WWOX: variants seen among roughly 807,000 people sequenced by gnomAD.
WWOX encodes WW domain containing oxidoreductase, also known as WW domain-containing oxidoreductase.
Under a neutral mutation model 46.2 loss-of-function variants are expected in WWOX, and 69 were observed. That is an observed-to-expected ratio of 1.49 (90% confidence interval 1.23 to 1.82). WWOX has a LOEUF of 1.82. Among genes scored for constraint, WWOX ranks in the 40% most tolerant of loss-of-function variants. The pLI is 0.00. For missense variants in WWOX, 919 were observed against 542.6 expected (o/e 1.69, Z -6.89); for synonymous variants, 359 against 202.6 (o/e 1.77, Z -6.56).
chr16:78,718,251 C>T (rs2048614542), intron 8 of WWOX, among the ~76,000 whole-genome samples: 1 of 150,834 alleles, frequency 6.6e-6, no homozygotes, highest in South Asian at 2.1e-4. Flanking sequence ...GCTGTTGTAC[C>T]ACAGAGACCA....
intron 8 of WWOX, among the ~76,000 whole-genome samples, chr16:79,070,967 C>T (rs1056910478): frequency 6.6e-6 from 1 of 152,162 alleles, no homozygotes; most frequent in African/African-American, 2.4e-5. Context: ...TACTATGTCC[C>T]TCCCTACCCC....
At chr16:78,625,177 G>C (rs543956653) in intron 8 of WWOX, among the ~76,000 whole-genome samples, 3 of 152,158 alleles carry the variant, frequency 2.0e-5, no homozygotes, top group East Asian at 1.9e-4. Context: ...GGGATCCTTT[G>C]ACAACTCAGC....
At chr16:78,911,820 C>G (rs151275818) in intron 8 of WWOX, among the ~76,000 whole-genome samples, 1 of 152,158 alleles carries the variant, frequency 6.6e-6, no homozygotes, top group South Asian at 2.1e-4. Context: ...GAGCTGAGAT[C>G]ACGCTGATGC....
chr16:79,137,949 G>C (rs2050015147), intron 8 of WWOX, among the ~76,000 whole-genome samples: 1 of 152,150 alleles, frequency 6.6e-6, no homozygotes, highest in South Asian at 2.1e-4. Flanking sequence ...GAAGTTTTGA[G>C]GATGAAATTG....
intron 8 of WWOX, among the ~76,000 whole-genome samples, chr16:78,536,999 G>A (rs2667630): frequency 1.0e-4 from 15 of 150,122 alleles, no homozygotes; most frequent in African/African-American, 3.0e-4. Flanking sequence ...TGACTGCAAC[G>A]TGCACCTCTC....
chr16:78,388,490 A>T (rs1377292309), intron 6 of WWOX, among the ~76,000 whole-genome samples: 2 of 151,908 alleles, frequency 1.3e-5, no homozygotes, highest in African/African-American at 4.8e-5. Flanking sequence ...TACTAAAGAT[A>T]CAAAAAATTA....
intron 6 of WWOX, among the ~76,000 whole-genome samples, chr16:78,408,125 G>C (rs369283698): frequency 3.3e-5 from 5 of 152,152 alleles, no homozygotes; most frequent in African/African-American, 1.2e-4. Context: ...GTTGAAGACA[G>C]TTTAAAGACT....
At chr16:78,866,659 C>G (rs940206311) in intron 8 of WWOX, among the ~76,000 whole-genome samples, 30 of 152,332 alleles carry the variant, frequency 2.0e-4, no homozygotes, top group African/African-American at 7.0e-4. Flanking sequence ...TTTTGTTGCC[C>G]TGGCTTGCAA....
At chr16:78,869,453 G>A (rs1053011457) in intron 8 of WWOX, among the ~76,000 whole-genome samples, 4 of 152,146 alleles carry the variant, frequency 2.6e-5, no homozygotes, top group Non-Finnish European at 4.4e-5. Context: ...AAGTTTATAC[G>A]CAAGAAGTGC....
chr16:78,431,634 A>G (rs1219947469), intron 7 of WWOX, among the ~76,000 whole-genome samples: 1 of 151,314 alleles, frequency 6.6e-6, no homozygotes, highest in East Asian at 1.9e-4. Context: ...TCAGTATGTC[A>G]GGACTGCTAC....
intron 3 of WWOX, among the ~76,000 whole-genome samples, chr16:78,114,223 C>T (rs1295364844): frequency 6.6e-6 from 1 of 151,754 alleles, no homozygotes; most frequent in African/African-American, 2.4e-5. Context: ...ACCTCAGCCT[C>T]CCAAGTAGCT....
chr16:78,338,230 G>A (rs1043463791), intron 5 of WWOX, among the ~76,000 whole-genome samples: 1 of 120,288 alleles, frequency 8.3e-6, no homozygotes, highest in South Asian at 2.5e-4. Context: ...ATTTACTATC[G>A]TATTCAGCAA....
At chr16:78,131,253 C>A (rs1422450448) in intron 4 of WWOX, among the ~76,000 whole-genome samples, 1 of 152,150 alleles carries the variant, frequency 6.6e-6, no homozygotes, top group Non-Finnish European at 1.5e-5. Context: ...TGCTCTGTTA[C>A]CCAGGCTTCA....
At chr16:78,306,318 T>A (rs1310058906) in intron 5 of WWOX, among the ~76,000 whole-genome samples, 1 of 152,154 alleles carries the variant, frequency 6.6e-6, no homozygotes, top group Admixed American at 6.5e-5. Context: ...AGTCTAGCTG[T>A]TCCCAGTGTG....
At chr16:79,184,022 C>G (rs571966547) in intron 8 of WWOX, among the ~76,000 whole-genome samples, 3 of 152,234 alleles carry the variant, frequency 2.0e-5, no homozygotes, top group Non-Finnish European at 4.4e-5. Context: ...ATCTTTATAA[C>G]TCTCCTTTAT....
intron 7 of WWOX, among the ~76,000 whole-genome samples, chr16:78,431,957 C>A (rs1033544666): frequency 2.4e-4 from 36 of 152,134 alleles, no homozygotes; most frequent in African/African-American, 8.2e-4. Context: ...CTCAAGCAAT[C>A]CTCCCGCCTC....
chr16:78,882,296 C>A (rs1461970918), intron 8 of WWOX, among the ~76,000 whole-genome samples: 1 of 152,134 alleles, frequency 6.6e-6, no homozygotes, highest in African/African-American at 2.4e-5. Context: ...GTATTTGTAT[C>A]ATCATTTCAT....
At chr16:79,047,023 A>C (rs1180554439) in intron 8 of WWOX, among the ~76,000 whole-genome samples, 1 of 152,246 alleles carries the variant, frequency 6.6e-6, no homozygotes, top group Middle Eastern at 3.2e-3. Flanking sequence ...CTTTTATCAG[A>C]AATTTGCAAA....
chr16:78,992,051 G>A (rs976082840), intron 8 of WWOX, among the ~76,000 whole-genome samples: 11 of 152,062 alleles, frequency 7.2e-5, no homozygotes, highest in Non-Finnish European at 1.5e-4. Context: ...CCTTTCACAT[G>A]CATGCATTAA....
Sources: gnomAD v4.1 joint callset for allele counts (sites outside exome capture counted in the v4.1 genomes callset) on GRCh38, gnomAD v4.1.1 for gene constraint, MANE v1.5 for transcripts, NCBI Gene and HGNC (gene_info 2026-07-23, HGNC 2026-07-21) for gene names.